The following PIP5K1C variants were observed in gnomAD, a reference collection of about 807,000 sequenced individuals.
PIP5K1C encodes phosphatidylinositol 4-phosphate 5-kinase type-1 gamma.
PIP5K1C carries 45 observed loss-of-function variants against 80.1 expected under a neutral mutation model. The observed-to-expected ratio is 0.56, with a 90% CI of 0.44 to 0.72. The LOEUF (loss-of-function observed/expected upper bound fraction) is 0.72. Among genes scored for constraint, PIP5K1C ranks in the 30% least tolerant of loss-of-function variants. The pLI is 0.00. For missense variants in PIP5K1C, 753 were observed against 954.6 expected, an observed-to-expected ratio of 0.79 and a Z score of 2.78; for synonymous variants, 498 against 420.1, an observed-to-expected ratio of 1.19 and a Z score of -2.27.
chr19:3,676,857 T>C (rs1315832294), intron 1 of PIP5K1C, among the ~76,000 whole-genome samples: 1 of 152,188 alleles, frequency 6.6e-6, no homozygotes, highest in Non-Finnish European at 1.5e-5. Flanking sequence ...TCTAGCACTT[T>C]GGGAGGCTGA....
chr19:3,666,640 C>T (rs1040263435), intron 2 of PIP5K1C, among the ~76,000 whole-genome samples: 3 of 151,826 alleles, frequency 2.0e-5, no homozygotes, highest in Non-Finnish European at 4.4e-5. Context: ...CAGGCAAACA[C>T]GTGCACACAT....
intron 1 of PIP5K1C, among the ~76,000 whole-genome samples, chr19:3,678,161 T>G (rs1490015548): frequency 1.4e-4 from 10 of 71,800 alleles, no homozygotes; most frequent in South Asian, 4.8e-4. Context: ...AATGGAGGGA[T>G]GGAGAGATGG....
intron 1 of PIP5K1C, among the ~76,000 whole-genome samples, chr19:3,678,274 ATGGAGGGG>A (rs1223116548): frequency 3.3e-5 from 3 of 90,150 alleles, no homozygotes; most frequent in South Asian, 9.5e-4. Flanking sequence ...GGAATGGAGA[ATGGAGGGG>A]TGGAGGGATG....
chr19:3,696,586 T>C lies in PIP5K1C; in HGVS notation c.94+3711A>G, dbSNP rs998716582. On this transcript the variant is annotated intron_variant, in intron 1 of 17. Coordinates refer to ENST00000335312, the MANE Select transcript of PIP5K1C (RefSeq NM_012398.3). This position sits in a 1 kb window ranked among gnomAD's most constrained non-coding sequence, Gnocchi z 4.1. ...GCGCTAAGGGAGCAAAGGACACAGA[T>C]GGGAGGAGGGGCATTCCGGGGTGGG... 2.4e-3 allele frequency among the ~76,000 whole-genome samples: 35 copies of C among 14,378 alleles called. No individual in the cohort carries two copies. The highest frequency in any genetic ancestry group is 9.1e-3 in the African/African-American group (33 of 3,642). 9.4% of individuals were successfully genotyped at this position (14,378 alleles called of 152,430 possible). A position where few individuals can be genotyped will look rare whatever the true frequency, so the allele number is the denominator to read the frequency against.
At chr19:3,646,217 G>A (rs985815307) in intron 10 of PIP5K1C, among the ~76,000 whole-genome samples, 159 bp from the exon 11 acceptor site, 2 of 152,154 alleles carry the variant, frequency 1.3e-5, no homozygotes, top group Non-Finnish European at 2.9e-5. Context: ...AGGGGCTCAC[G>A]GAACAGGGAA....
chr19:3,674,521 G>A lies in PIP5K1C; in HGVS notation c.95-7168C>T, dbSNP rs910401166. On this transcript the variant is annotated intron_variant, in intron 1 of 17. Transcript: ENST00000335312. The stretch of plus-strand genomic sequence containing the variant: ...CGGCTCACTACAGCCTCCGCCTCCC[G>A]GGTTCAAGCGATTCTCCTGCCTCAG... Among the ~76,000 whole-genome samples, 8 of 151,118 alleles carry A rather than the reference G, an allele frequency of 5.3e-5. No homozygotes were observed. The Middle Eastern group carries it at 0.014, about 261-fold the overall frequency.
intron 1 of PIP5K1C, among the ~76,000 whole-genome samples, chr19:3,682,790 C>T (rs2035627112): frequency 6.6e-6 from 1 of 152,202 alleles, no homozygotes; most frequent in African/African-American, 2.4e-5. Context: ...CGGCTGACAG[C>T]TTCACCACAG....
chr19:3,699,254 C>G (rs1191851207), intron 1 of PIP5K1C, among the ~76,000 whole-genome samples: 1 of 146,722 alleles, frequency 6.8e-6, no homozygotes, highest in Non-Finnish European at 1.5e-5. Context: ...GCCACTGGCT[C>G]TGGGGAAGGA....
At chr19:3,652,144 G>C in intron 7 of PIP5K1C, 113 bp from the exon 8 acceptor site, 1 of 915,766 alleles carries the variant, frequency 1.1e-6, no homozygotes, top group Non-Finnish European at 1.7e-6. Context: ...TCGGGTGTGA[G>C]AGATGGAGTC....
intron 1 of PIP5K1C, among the ~76,000 whole-genome samples, chr19:3,686,905 G>T (rs1568357820): frequency 6.6e-6 from 1 of 151,102 alleles, no homozygotes; most frequent in East Asian, 2.0e-4. Context: ...GAAAAAAACA[G>T]ATCAAGGCCA....
intron 1 of PIP5K1C, among the ~76,000 whole-genome samples, chr19:3,686,229 AGCACTTTGGGAG>A (rs1215257444): frequency 6.6e-6 from 1 of 152,100 alleles, no homozygotes; most frequent in African/African-American, 2.4e-5. Context: ...CGGTAATCCT[AGCACTTTGGGAG>A]GCCGATCCTC....
In PIP5K1C at chr19:3,646,140, T is replaced by G. The variant is rs1255560009; in HGVS notation, c.1261-82A>C. 4 of 824,282 alleles carry G rather than the reference T, an allele frequency of 4.9e-6. No homozygotes were observed. The East Asian group carries it at 7.5e-5, about 16-fold the overall frequency. The allele number at this position is 824,282 out of a possible 1,614,324, so 51.1% of individuals were successfully genotyped here. ...GGGACAGCCCCAGACAGACGCTGTA[T>G]GTGTGTGGGGGGCACCTTCTGTGTG... On this transcript the variant is annotated intron_variant, in intron 10 of 17. Coordinates refer to ENST00000335312, the MANE Select transcript of PIP5K1C (RefSeq NM_012398.3).
At chr19:3,644,312 C>T in intron 11 of PIP5K1C, 61 bp from the exon 12 acceptor site, 1 of 1,556,050 alleles carries the variant, frequency 6.4e-7, no homozygotes, top group Non-Finnish European at 8.8e-7. Flanking sequence ...AAAGCCCAGA[C>T]AGGGCCGCCG....
intron 1 of PIP5K1C, among the ~76,000 whole-genome samples, chr19:3,676,464 C>A (rs750508481): frequency 6.6e-5 from 10 of 152,206 alleles, no homozygotes; most frequent in Non-Finnish European, 1.3e-4. Context: ...ACCTGGGTTT[C>A]TCGAAAAACA....
rs561346539 is a variant in PIP5K1C at position 3,637,554 on chromosome 19, C to T, written c.1920+1330G>A. 4.6e-6 allele frequency: 7 copies of T among 1,530,840 alleles called. No homozygotes were observed. In the South Asian group the frequency reaches 4.8e-5, roughly 10 times the overall value. The allele number at this position is 1,530,840 out of a possible 1,614,324, so 94.8% of individuals were successfully genotyped here. On this transcript the variant is annotated intron_variant, in intron 16 of 17. Coordinates refer to ENST00000335312, the MANE Select transcript of PIP5K1C (RefSeq NM_012398.3). The surrounding 1 kb of genome is among the most constrained non-coding windows in gnomAD (Gnocchi z 7.0). The stretch of plus-strand genomic sequence containing the variant: ...CACTTACAGTCCCCGAGGCGCTCAG[C>T]GTCACGGCCCGCAGTCGGCGATGGC...
intron 16 of PIP5K1C, 50 bp downstream of exon 16, chr19:3,638,834 G>C (rs765900815): frequency 3.1e-6 from 5 of 1,609,680 alleles, no homozygotes; most frequent in Non-Finnish European, 4.2e-6. Context: ...GCGTGTGTGA[G>C]AGAGAGTCCG....
chr19:3,667,452 G>T, intron 1 of PIP5K1C, 99 bp from the exon 2 acceptor site: 1 of 1,313,012 alleles, frequency 7.6e-7, no homozygotes, highest in Non-Finnish European at 1.1e-6. Context: ...CAGGCCTGGC[G>T]TGTGTAACTC....
chr19:3,676,689 T>C (rs1038452345), intron 1 of PIP5K1C, among the ~76,000 whole-genome samples: 2 of 152,042 alleles, frequency 1.3e-5, no homozygotes, highest in Admixed American at 1.3e-4. Context: ...AAGTCAACGG[T>C]GAAAAACGCT....
At chr19:3,676,077 C>T (rs1368762470) in intron 1 of PIP5K1C, among the ~76,000 whole-genome samples, 1 of 152,244 alleles carries the variant, frequency 6.6e-6, no homozygotes, top group Non-Finnish European at 1.5e-5. Context: ...TCATTTGACA[C>T]ATGGGGAAAC....
Sources: gnomAD v4.1 joint callset for allele counts (sites outside exome capture counted in the v4.1 genomes callset) on GRCh38, gnomAD v4.1.1 for gene constraint, Gnocchi (gnomAD v3.1) non-coding constraint, MANE v1.5 for transcripts, NCBI Gene and HGNC (gene_info 2026-07-23, HGNC 2026-07-21) for gene names.